SPATS1: variants seen among roughly 807,000 people sequenced by gnomAD.
SPATS1 encodes the protein spermatogenesis-associated serine-rich protein 1.
Under a neutral mutation model 33.6 loss-of-function variants are expected in SPATS1, and 23 were observed. The ratio of observed to expected loss-of-function variants is 0.68; its 90% CI spans 0.49 to 0.97. SPATS1 has a LOEUF of 0.97. Ranked by LOEUF, SPATS1 falls within the 50% of genes least tolerant of loss-of-function variation. The pLI is 0.00. For missense variants in SPATS1, 327 were observed against 361.0 expected, an observed-to-expected ratio of 0.91 and a Z score of 0.76; for synonymous variants, 131 against 125.6, an observed-to-expected ratio of 1.04 and a Z score of -0.29.
At chr6:44,365,501 C>T (rs1395455080) in intron 5 of SPATS1, among the ~76,000 whole-genome samples, 1 of 152,236 alleles carries the variant, frequency 6.6e-6, no homozygotes, top group Non-Finnish European at 1.5e-5. Context: ...TCCAGGACAG[C>T]TCCTTTCCAA....
chr6:44,360,222 C>T (rs1283139423), intron 3 of SPATS1, among the ~76,000 whole-genome samples: 4 of 152,222 alleles, frequency 2.6e-5, no homozygotes, highest in Admixed American at 2.6e-4. Flanking sequence ...CCTGTCTCAG[C>T]CTCCCAAGGT....
At chr6:44,375,843 C>T (rs1432374556) in intron 7 of SPATS1, among the ~76,000 whole-genome samples, 1 of 150,756 alleles carries the variant, frequency 6.6e-6, no homozygotes, top group African/African-American at 2.4e-5. Context: ...TAGTGGCTCA[C>T]AACTGTAATC....
Position 44,371,202 on chromosome 6 carries a change from G to A in SPATS1, c.758+1089G>A, listed in dbSNP as rs556407925. On this transcript the variant is annotated intron_variant, in intron 7 of 8. Coordinates refer to ENST00000674044, the MANE Select transcript of SPATS1 (RefSeq NM_001372081.1). ...TAGTCCTAGGTACTTGGGAGGCTGAGGCAGGAGGGTTTCTTGAGTCTATGA... is the reference window on the plus strand; with the variant it reads ...TAGTCCTAGGTACTTGGGAGGCTGAAGCAGGAGGGTTTCTTGAGTCTATGA... Among the ~76,000 whole-genome samples the A allele has an allele frequency of 3.3e-5, 5 of 152,100 alleles. No homozygotes were observed. In the Middle Eastern group the frequency reaches 0.01, roughly 310 times the overall value.
Position 44,358,300 on chromosome 6 carries a change from A to T in SPATS1, c.288-2146A>T, listed in dbSNP as rs369041803. Among the ~76,000 whole-genome samples, 17 of 152,348 alleles carry T rather than the reference A, an allele frequency of 1.1e-4. No individual in the cohort carries two copies. The East Asian group carries it at 1.7e-3, about 16-fold the overall frequency. ...TCATTGTACCTGAAAACATTGTCCA[A>T]GGCCAGGTTTCAGACGCAAAGCCAT... On this transcript the variant is annotated intron_variant, in intron 3 of 8. Coordinates refer to ENST00000674044, the MANE Select transcript of SPATS1 (RefSeq NM_001372081.1).
In SPATS1 at chr6:44,352,777, C is replaced by A. The variant is rs749926250; in HGVS notation, c.191C>A (p.Thr64Lys). Residue 64 changes from threonine (T) to lysine (K), a missense_variant, in exon 3 of 9, where the codon ACA (threonine) becomes AAA (lysine). Physicochemically the swap from Thr to Lys is moderately conservative, Grantham distance 78 (BLOSUM62 -1). Coordinates refer to ENST00000674044, the MANE Select transcript of SPATS1 (RefSeq NM_001372081.1). ...LESKGCFANT[T>K]PSGKSVSSSS... ...TCTAAGGGATGTTTTGCCAACACAA[C>A]ACCCTCTGGCAAAAGTGTCAGTTCC... 6.2e-7 allele frequency: 1 copy of A among 1,614,082 alleles called. No individual in the cohort carries two copies. Among genetic ancestry groups the A allele is most frequent in the South Asian group, 1.1e-5 (1 of 91,078 alleles).
At chr6:44,374,740 CTTTT>C (rs1281922723) in intron 7 of SPATS1, among the ~76,000 whole-genome samples, 5 of 152,264 alleles carry the variant, frequency 3.3e-5, no homozygotes, top group Admixed American at 2.6e-4. Flanking sequence ...AAAATGCTTT[CTTTT>C]GATATTTAGA....
At chr6:44,343,071 A>T in intron 1 of SPATS1, 25 bp from the exon 2 acceptor site, 2 of 1,613,192 alleles carry the variant, frequency 1.2e-6, no homozygotes, top group Non-Finnish European at 1.7e-6. Flanking sequence ...GTTGCTTCTA[A>T]TATTTAAAAT....
chr6:44,350,491 G>C (rs1330899963), intron 2 of SPATS1, among the ~76,000 whole-genome samples: 1 of 152,172 alleles, frequency 6.6e-6, no homozygotes, highest in African/African-American at 2.4e-5. Context: ...AGGCTTCCTG[G>C]GTAATTCTGA....
At chr6:44,366,650 T>C (rs1789268424) in intron 5 of SPATS1, among the ~76,000 whole-genome samples, 1 of 152,188 alleles carries the variant, frequency 6.6e-6, no homozygotes, top group South Asian at 2.1e-4. Context: ...AGTGTTACCT[T>C]CGTCTTTACA....
intron 5 of SPATS1, among the ~76,000 whole-genome samples, chr6:44,362,440 T>C (rs58301665): frequency 0.019 from 2,913 of 152,334 alleles, 91 homozygotes; most frequent in African/African-American, 0.066. Context: ...TAAAGGCTAT[T>C]GAAATGAATA....
At chr6:44,359,616 G>A (rs761511578) in intron 3 of SPATS1, among the ~76,000 whole-genome samples, 3 of 151,988 alleles carry the variant, frequency 2.0e-5, no homozygotes, top group African/African-American at 2.4e-5. Context: ...TCACTTTGTT[G>A]CCCAGGCTGG....
chr6:44,347,672 T>C (rs1787980370), intron 2 of SPATS1, among the ~76,000 whole-genome samples: 1 of 152,220 alleles, frequency 6.6e-6, no homozygotes, highest in Non-Finnish European at 1.5e-5. Flanking sequence ...TAAGAAAGGA[T>C]TAATTTTATT....
intron 2 of SPATS1, among the ~76,000 whole-genome samples, chr6:44,349,705 A>G (rs1414039461): frequency 6.6e-6 from 1 of 152,198 alleles, no homozygotes; most frequent in Admixed American, 6.5e-5. Flanking sequence ...CCAGATTTCT[A>G]ATTACTGCTT....
intron 7 of SPATS1, among the ~76,000 whole-genome samples, chr6:44,372,301 A>T (rs1473834397): frequency 6.6e-6 from 1 of 150,968 alleles, no homozygotes; most frequent in African/African-American, 2.4e-5. Context: ...TATTTGTGTC[A>T]TTTCTGGGTG....
intron 3 of SPATS1, among the ~76,000 whole-genome samples, chr6:44,353,893 C>T (rs1460982202): frequency 1.3e-5 from 2 of 151,814 alleles, no homozygotes; most frequent in African/African-American, 4.8e-5. Flanking sequence ...AAAAATTAGC[C>T]AGGTGTGGTG....
At position 44,360,576 on chromosome 6, in the gene SPATS1, T is replaced by A; in HGVS notation, c.412+6T>A. ...CCTGCTTAAGTTGCAGACGAGTAAGTCACAGACCCTCCTCCACATGCTTCT... is the reference window on the plus strand; with the variant it reads ...CCTGCTTAAGTTGCAGACGAGTAAGACACAGACCCTCCTCCACATGCTTCT... On this transcript the variant is annotated splice_donor_region_variant and intron_variant, in intron 4 of 8. Coordinates refer to ENST00000674044, the MANE Select transcript of SPATS1 (RefSeq NM_001372081.1). The A allele has an allele frequency of 6.2e-7, 1 of 1,614,010 alleles. No homozygotes were observed. Among genetic ancestry groups the A allele is most frequent in the South Asian group, 1.1e-5 (1 of 91,042 alleles).
chr6:44,376,926 G>A (rs1789997846), intron 8 of SPATS1, 109 bp from the exon 9 acceptor site: 7 of 1,217,102 alleles, frequency 5.8e-6, no homozygotes, highest in Middle Eastern at 1.9e-4. Context: ...GTCCCGAGGT[G>A]GTCTCATGGG....
chr6:44,359,963 C>T (rs1470852800), intron 3 of SPATS1, among the ~76,000 whole-genome samples: 7 of 152,156 alleles, frequency 4.6e-5, no homozygotes, highest in South Asian at 4.1e-4. Context: ...ACACTTGGGT[C>T]GTTTCCACTT....
intron 3 of SPATS1, among the ~76,000 whole-genome samples, chr6:44,354,701 A>G (rs1386161634): frequency 6.6e-6 from 1 of 152,234 alleles, no homozygotes; most frequent in African/African-American, 2.4e-5. Context: ...CTACATGGAT[A>G]CATCATAATC....
Sources: allele counts gnomAD v4.1 joint callset (sites outside exome capture counted in the v4.1 genomes callset), GRCh38; gene constraint gnomAD v4.1.1; transcripts MANE v1.5; gene names NCBI Gene and HGNC (gene_info 2026-07-23, HGNC 2026-07-21).